Variants in ZBBX observed in about 807,000 individuals in gnomAD.
ZBBX encodes zinc finger B-box domain-containing protein 1.
Under a neutral mutation model 108.5 loss-of-function variants are expected in ZBBX, and 101 were observed. That is an observed-to-expected ratio of 0.93 (90% confidence interval 0.79 to 1.10). The LOEUF (loss-of-function observed/expected upper bound fraction) is 1.10, where lower values mean the gene tolerates loss of function less well. Among genes scored for constraint, ZBBX ranks in the 50% least tolerant of loss-of-function variants. The pLI, the probability that ZBBX is intolerant of heterozygous loss-of-function variation, is 0.00. For missense variants in ZBBX, 1,009 were observed against 941.4 expected (o/e 1.07, Z -0.94); for synonymous variants, 356 against 323.4 (o/e 1.10, Z -1.08).
intron 20 of ZBBX, among the ~76,000 whole-genome samples, chr3:167,277,899 C>A (rs950567214): frequency 2.0e-5 from 3 of 151,844 alleles, no homozygotes; most frequent in Admixed American, 1.3e-4. Context: ...AACAAACTAT[C>A]TCTCAGACCA....
chr3:167,279,780 G>T (rs530007658), intron 20 of ZBBX, among the ~76,000 whole-genome samples: 2 of 152,106 alleles, frequency 1.3e-5, no homozygotes, highest in East Asian at 1.9e-4. Context: ...AAAAGAGCCC[G>T]CATCGCCAAG....
chr3:167,184,401 G>C, the ZBBX span, among the ~76,000 whole-genome samples: 1 of 152,050 alleles, frequency 6.6e-6, no homozygotes, highest in Non-Finnish European at 1.5e-5. Context: ...GGCTGGTGTC[G>C]AACTCCTTCA....
chr3:167,253,837 T>C (rs1216269860), intron 20 of ZBBX, among the ~76,000 whole-genome samples: 1 of 151,750 alleles, frequency 6.6e-6, no homozygotes, highest in African/African-American at 2.4e-5. Flanking sequence ...ATAAAAAACA[T>C]AAAATTTGGT....
At chr3:167,217,765 T>C in the ZBBX span, among the ~76,000 whole-genome samples, 2 of 152,158 alleles carry the variant, frequency 1.3e-5, no homozygotes, top group Non-Finnish European at 2.9e-5. Context: ...ATATACACCA[T>C]GGAATATTAT....
At chr3:167,185,039 A>G in the ZBBX span, among the ~76,000 whole-genome samples, 8 of 152,180 alleles carry the variant, frequency 5.3e-5, no homozygotes, top group Non-Finnish European at 1.0e-4. Flanking sequence ...ATTTATCTCA[A>G]TTAAAATGGA....
chr3:167,197,724 ATTATT>A, the ZBBX span, among the ~76,000 whole-genome samples: 1 of 152,188 alleles, frequency 6.6e-6, no homozygotes, highest in Non-Finnish European at 1.5e-5. Flanking sequence ...CCGAAAGTTG[ATTATT>A]TTATTTAAAA....
the ZBBX span, among the ~76,000 whole-genome samples, chr3:167,190,212 TCATAAAAA>T: frequency 2.0e-5 from 3 of 152,054 alleles, no homozygotes; most frequent in African/African-American, 7.2e-5. Flanking sequence ...GTCTTCAGAA[TCATAAAAA>T]AAGTTTTGTT....
intron 6 of ZBBX, among the ~76,000 whole-genome samples, chr3:167,362,031 AT>A (rs1744604684): frequency 6.6e-6 from 1 of 152,154 alleles, no homozygotes; most frequent in African/African-American, 2.4e-5. Flanking sequence ...TCTAGCTGCT[AT>A]TTTTAGACAA....
the ZBBX span, among the ~76,000 whole-genome samples, chr3:167,228,661 A>C: frequency 2.6e-5 from 4 of 151,762 alleles, no homozygotes; most frequent in Non-Finnish European, 5.9e-5. Flanking sequence ...CATTGACATA[A>C]AGTATTTATC....
the ZBBX span, among the ~76,000 whole-genome samples, chr3:167,234,755 T>C: frequency 1.3e-5 from 2 of 151,770 alleles, no homozygotes; most frequent in Admixed American, 1.3e-4. Flanking sequence ...TCATCTTCTC[T>C]AGGAATAAAA....
At chr3:167,402,401 A>G (rs560898784) in intron 1 of ZBBX, among the ~76,000 whole-genome samples, 3 of 152,288 alleles carry the variant, frequency 2.0e-5, no homozygotes, top group African/African-American at 7.2e-5. Context: ...CAGATAAATA[A>G]ACCCTTGGTG....
the ZBBX span, among the ~76,000 whole-genome samples, chr3:167,233,038 T>C: frequency 6.6e-6 from 1 of 151,774 alleles, no homozygotes; most frequent in African/African-American, 2.4e-5. Flanking sequence ...GGCTTAGCAC[T>C]CTGCCCTATA....
chr3:167,245,057 A>G (rs1721315755), intron 20 of ZBBX, among the ~76,000 whole-genome samples: 1 of 152,242 alleles, frequency 6.6e-6, no homozygotes, highest in East Asian at 1.9e-4. Context: ...TTTCCCAATA[A>G]GGAACAACAA....
At chr3:167,393,196 T>C (rs1218078731) in intron 1 of ZBBX, among the ~76,000 whole-genome samples, 2 of 151,832 alleles carry the variant, frequency 1.3e-5, no homozygotes, top group Non-Finnish European at 2.9e-5. Flanking sequence ...ATGAATAAAT[T>C]CTTACCAGTG....
At chr3:167,307,717 G>T (rs1362513404) in intron 16 of ZBBX, among the ~76,000 whole-genome samples, 1 of 152,156 alleles carries the variant, frequency 6.6e-6, no homozygotes, top group South Asian at 2.1e-4. Context: ...ATGGGGAAAG[G>T]ATTCCCTATT....
intron 2 of ZBBX, among the ~76,000 whole-genome samples, chr3:167,378,814 A>G (rs1161288924): frequency 6.6e-6 from 1 of 152,212 alleles, no homozygotes; most frequent in Non-Finnish European, 1.5e-5. Flanking sequence ...TCAATGCTCA[A>G]TTCGAAGGCT....
chr3:167,178,541 T>C, the ZBBX span, among the ~76,000 whole-genome samples: 1 of 152,148 alleles, frequency 6.6e-6, no homozygotes. Context: ...AGTCTTGACA[T>C]GGCTGCAACT....
chr3:167,192,449 T>C, the ZBBX span, among the ~76,000 whole-genome samples: 1 of 152,176 alleles, frequency 6.6e-6, no homozygotes, highest in Non-Finnish European at 1.5e-5. Context: ...AAAACATCAT[T>C]CTAATCCCTC....
the ZBBX span, among the ~76,000 whole-genome samples, chr3:167,190,698 G>A: frequency 2.6e-5 from 4 of 152,094 alleles, no homozygotes. Context: ...TATCACTAGA[G>A]ATTTTGTGTG....
Sources: gnomAD v4.1 joint callset for allele counts (sites outside exome capture counted in the v4.1 genomes callset) on GRCh38, gnomAD v4.1.1 for gene constraint, MANE v1.5 for transcripts, NCBI Gene and HGNC (gene_info 2026-07-23, HGNC 2026-07-21) for gene names.